The following EVA1A variants were observed in gnomAD, a reference collection of about 807,000 sequenced individuals.
EVA1A encodes protein eva-1 homolog A.
EVA1A carries 7 observed loss-of-function variants against 9.8 expected under a neutral mutation model. That is an observed-to-expected ratio of 0.71 (90% CI 0.41 to 1.34). The LOEUF is 1.34. Among genes scored for constraint, EVA1A ranks in the 40% most tolerant of loss-of-function variants. The probability of loss-of-function intolerance (pLI) is 0.01; values close to 1 mark genes in which losing one functional copy is unlikely to be tolerated. For missense variants in EVA1A, 206 were observed against 205.9 expected (o/e 1.00, Z 0.00); for synonymous variants, 90 against 85.6 (o/e 1.05, Z -0.28).
At chr2:75,546,940 C>T (rs993193723) in intron 1 of EVA1A, among the ~76,000 whole-genome samples, 1 of 149,710 alleles carries the variant, frequency 6.7e-6, no homozygotes, top group African/African-American at 2.5e-5. Context: ...CCTAAGGCTA[C>T]CAGAAGCCAT....
chr2:75,493,174 T>C lies in EVA1A; in HGVS notation c.*62A>G, dbSNP rs1674086422. The stretch of plus-strand genomic sequence containing the variant: ...GCTGGGTTCAGTTCCTTGTGCCCAC[T>C]GTCCCTGCAGACGCTCTCCTTTCCA... On this transcript the variant is annotated 3_prime_UTR_variant, in exon 4 of 4. Coordinates refer to ENST00000393913, the MANE Select transcript of EVA1A (RefSeq NM_001135032.2). The C allele has an allele frequency of 6.5e-7, 1 of 1,541,590 alleles. No homozygotes were observed. The highest frequency in any genetic ancestry group is 8.7e-7 in the Non-Finnish European group (1 of 1,145,504).
intron 1 of EVA1A, among the ~76,000 whole-genome samples, chr2:75,525,659 T>C (rs928793417): frequency 3.3e-5 from 5 of 152,208 alleles, no homozygotes; most frequent in African/African-American, 7.2e-5. Flanking sequence ...GAGGCTAAGA[T>C]TGTCAGACAT....
intron 3 of EVA1A, among the ~76,000 whole-genome samples, chr2:75,515,697 C>A (rs551425397): frequency 2.0e-5 from 3 of 152,168 alleles, no homozygotes; most frequent in Non-Finnish European, 4.4e-5. Context: ...ATTTTAAATG[C>A]CTCCTTTTAT....
intron 3 of EVA1A, 51 bp downstream of exon 3, chr2:75,517,993 AGGAGACAACCTT>A (rs1675074474): frequency 6.9e-6 from 11 of 1,598,012 alleles, no homozygotes; most frequent in Non-Finnish European, 9.4e-6. Flanking sequence ...ATGGCCACCC[AGGAGACAACCTT>A]GGACCCAGCC....
chr2:75,520,803 A>G (rs768231849), intron 2 of EVA1A, among the ~76,000 whole-genome samples: 2 of 152,176 alleles, frequency 1.3e-5, no homozygotes, highest in African/African-American at 2.4e-5. Context: ...TTTCTTGGAT[A>G]TGACACCAAA....
chr2:75,539,728 T>TA (rs1177334607), intron 1 of EVA1A, among the ~76,000 whole-genome samples: 1 of 152,048 alleles, frequency 6.6e-6, no homozygotes, highest in Non-Finnish European at 1.5e-5. Context: ...ATGGGAAAAC[T>TA]AAAAAATTAA....
chr2:75,521,590 G>A (rs1675230925), intron 2 of EVA1A, among the ~76,000 whole-genome samples: 1 of 152,226 alleles, frequency 6.6e-6, no homozygotes, highest in African/African-American at 2.4e-5. Context: ...GGTATTATAT[G>A]ATTCCACATG....
intron 1 of EVA1A, among the ~76,000 whole-genome samples, chr2:75,567,476 G>T (rs940117390): frequency 2.0e-5 from 3 of 152,164 alleles, no homozygotes; most frequent in Non-Finnish European, 4.4e-5. Flanking sequence ...TTGTCAACCT[G>T]AGAAATTAAG....
chr2:75,516,439 A>T (rs1245795558), intron 3 of EVA1A, among the ~76,000 whole-genome samples: 1 of 152,128 alleles, frequency 6.6e-6, no homozygotes, highest in Admixed American at 6.5e-5. Context: ...CTGCATCCCA[A>T]GTAGTATTTA....
Position 75,493,339 on chromosome 2 carries a change from TC to T in EVA1A, c.355del (p.Glu119SerfsTer18). ...KNVFTSAEEL[E>X]RAQRLEERER... ...GCGCTCCTCCAGCCGCTGGGCGCGC[TC>T]CAGCTCCTCCGCAGAGGTGAACACA... On this transcript the variant is annotated frameshift_variant, in exon 4 of 4. Coordinates refer to ENST00000393913, the MANE Select transcript of EVA1A (RefSeq NM_001135032.2). LOFTEE classifies it high-confidence loss of function. 1 of 1,614,176 alleles carries T rather than the reference TC, an allele frequency of 6.2e-7. No individual in the cohort carries two copies. The highest frequency in any genetic ancestry group is 8.5e-7 in the Non-Finnish European group (1 of 1,180,018).
intron 1 of EVA1A, among the ~76,000 whole-genome samples, chr2:75,545,562 A>T (rs1676300696): frequency 6.6e-6 from 1 of 152,218 alleles, no homozygotes; most frequent in African/African-American, 2.4e-5. Context: ...AGCACAACAG[A>T]AAGGAGGCCT....
intron 3 of EVA1A, among the ~76,000 whole-genome samples, chr2:75,494,535 T>C (rs1674139872): frequency 6.6e-6 from 1 of 152,178 alleles, no homozygotes; most frequent in Non-Finnish European, 1.5e-5. Flanking sequence ...GAAGTCCAAG[T>C]GGCAAGGAAC....
chr2:75,563,738 C>T (rs1334343847), upstream of EVA1A, among the ~76,000 whole-genome samples: 1 of 152,172 alleles, frequency 6.6e-6, no homozygotes, highest in Non-Finnish European at 1.5e-5. Context: ...TCTATGGAGG[C>T]AAGAATCTTC....
chr2:75,508,927 G>A (rs887783548), intron 3 of EVA1A, among the ~76,000 whole-genome samples: 2 of 152,126 alleles, frequency 1.3e-5, no homozygotes, highest in African/African-American at 4.8e-5. Context: ...CCTCCTCTGA[G>A]GGGAGGAATG....
chr2:75,548,696 T>C (rs2103961607), intron 1 of EVA1A, among the ~76,000 whole-genome samples: 1 of 152,276 alleles, frequency 6.6e-6, no homozygotes, highest in Middle Eastern at 3.4e-3. Context: ...AAAGAATGAA[T>C]ATGCGCCTAC....
intron 1 of EVA1A, among the ~76,000 whole-genome samples, chr2:75,526,405 T>A (rs1338836473): frequency 6.6e-6 from 1 of 152,214 alleles, no homozygotes; most frequent in Non-Finnish European, 1.5e-5. Flanking sequence ...AGTCCACATT[T>A]TTTGAGACCT....
chr2:75,552,899 C>T (rs1676573773), intron 1 of EVA1A, among the ~76,000 whole-genome samples: 1 of 152,196 alleles, frequency 6.6e-6, no homozygotes, highest in Non-Finnish European at 1.5e-5. Context: ...TCTTATTCTT[C>T]TCCAATATTT....
chr2:75,504,608 A>G (rs1257262576), intron 3 of EVA1A, among the ~76,000 whole-genome samples: 1 of 152,058 alleles, frequency 6.6e-6, no homozygotes, highest in Non-Finnish European at 1.5e-5. Flanking sequence ...GCTGGCTCTG[A>G]TGTGTGCTCC....
In EVA1A at chr2:75,566,434, G is replaced by A. The variant is rs193296179; in HGVS notation, c.-192+3042C>T. On this transcript the variant is annotated intron_variant, in intron 1 of 3. Coordinates refer to the EVA1A transcript ENST00000233712. ...AGGATGCCAGGAGCACACGTCAGTC[G>A]TTCAAAAGAACTTTTCATGGAACTA... Among the ~76,000 whole-genome samples the A allele has an allele frequency of 2.3e-3, 353 of 152,174 alleles. 2 individuals carry two copies. The highest frequency in any genetic ancestry group is 6.8e-3 in the Middle Eastern group (2 of 294).
Sources: gnomAD v4.1 joint callset for allele counts (sites outside exome capture counted in the v4.1 genomes callset) on GRCh38, gnomAD v4.1.1 for gene constraint, MANE v1.5 for transcripts, NCBI Gene and HGNC (gene_info 2026-07-23, HGNC 2026-07-21) for gene names.